The following ROBO1 variants were observed in gnomAD, a reference collection of about 807,000 sequenced individuals.
ROBO1 encodes the protein roundabout guidance receptor 1.
Under a neutral mutation model 195.9 loss-of-function variants are expected in ROBO1, and 149 were observed. That is an observed-to-expected ratio of 0.76 (90% CI 0.67 to 0.87). The LOEUF (loss-of-function observed/expected upper bound fraction) is 0.87, where lower values mean the gene tolerates loss of function less well. ROBO1 is among the 40% of genes least tolerant of loss of function. The pLI, the probability that ROBO1 is intolerant of heterozygous loss-of-function variation, is 0.00. For missense variants in ROBO1, 1,933 were observed against 2,068.3 expected (o/e 0.93, Z 1.27); for synonymous variants, 816 against 733.2 (o/e 1.11, Z -1.82).
rs1349853836 is a variant in ROBO1 at position 79,504,066 on chromosome 3, C to T, written c.88+85758G>A. On this transcript the variant is annotated intron_variant, in intron 2 of 30. Coordinates refer to ENST00000464233, the MANE Select transcript of ROBO1 (RefSeq NM_002941.4). ...CAATAGTACTCTAAAAATTCTCAATCTTGGCCATATTTTTAATATTAAAAA... is the reference window on the plus strand; with the variant it reads ...CAATAGTACTCTAAAAATTCTCAATTTTGGCCATATTTTTAATATTAAAAA... 5.3e-5 allele frequency among the ~76,000 whole-genome samples: 8 copies of T among 152,182 alleles called. No homozygotes were observed. The East Asian group carries it at 1.5e-3, about 29-fold the overall frequency.
intron 3 of ROBO1, among the ~76,000 whole-genome samples, chr3:78,965,142 C>T (rs1315546199): frequency 2.6e-5 from 4 of 151,844 alleles, no homozygotes; most frequent in African/African-American, 9.7e-5. Context: ...ATTTCAAGGA[C>T]TATATGTTTC....
intron 2 of ROBO1, among the ~76,000 whole-genome samples, chr3:79,407,140 C>A (rs2037580317): frequency 1.3e-5 from 2 of 152,074 alleles, no homozygotes. Context: ...GTTAGTCAGA[C>A]TGGTCTTGAA....
intron 2 of ROBO1, among the ~76,000 whole-genome samples, chr3:79,348,924 T>TTCCCC (rs1230939604): frequency 6.6e-6 from 1 of 152,092 alleles, no homozygotes; most frequent in Non-Finnish European, 1.5e-5. Flanking sequence ...ACGCGAAAGT[T>TTCCCC]TAACTAAAAA....
intron 1 of ROBO1, among the ~76,000 whole-genome samples, chr3:79,705,742 C>T (rs1947750374): frequency 6.6e-6 from 1 of 152,052 alleles, no homozygotes; most frequent in Admixed American, 6.6e-5. Context: ...TATGGGATTA[C>T]ACTGAATCTA....
intron 4 of ROBO1, among the ~76,000 whole-genome samples, chr3:78,801,902 A>C (rs1280691341): frequency 6.6e-6 from 1 of 152,078 alleles, no homozygotes; most frequent in African/African-American, 2.4e-5. Flanking sequence ...GATTTGTGAC[A>C]ATTTTGTAGG....
At chr3:79,494,678 A>G (rs1297758875) in intron 2 of ROBO1, among the ~76,000 whole-genome samples, 1 of 152,192 alleles carries the variant, frequency 6.6e-6, no homozygotes, top group Non-Finnish European at 1.5e-5. Flanking sequence ...TAGTAAAGAA[A>G]GCACTTTTGG....
intron 1 of ROBO1, among the ~76,000 whole-genome samples, chr3:79,697,004 G>A (rs1475421395): frequency 6.6e-6 from 1 of 151,404 alleles, no homozygotes; most frequent in Non-Finnish European, 1.5e-5. Flanking sequence ...GAGAACCAGG[G>A]TATCTAGTGA....
intron 2 of ROBO1, among the ~76,000 whole-genome samples, chr3:79,581,330 A>T (rs375461045): frequency 1.3e-5 from 2 of 152,200 alleles, no homozygotes; most frequent in South Asian, 4.1e-4. Flanking sequence ...CTGATGGCTT[A>T]ATTAGGTGGA....
intron 2 of ROBO1, among the ~76,000 whole-genome samples, chr3:79,472,669 C>G (rs947274381): frequency 3.3e-5 from 5 of 152,012 alleles, no homozygotes; most frequent in African/African-American, 1.2e-4. Flanking sequence ...ATTCGAAAAC[C>G]AATTTTATTT....
In ROBO1 at chr3:78,651,815, A is replaced by G. The variant is rs2107620155; in HGVS notation, c.2729T>C (p.Ile910Thr). Residue 910 changes from isoleucine to threonine, a missense_variant, in exon 19 of 31, where the codon ATC becomes ACC. Around this residue, in one of 3 missense-constraint regions of ROBO1, gnomAD observed 1,737 missense variants for 1,882.5 expected, o/e 0.92. Transcript: ENST00000464233. ...IAGIGAACWI[I>T]LMVFSIWLYR... Reference sequence around the variant, plus strand: ...AAGCCAGATGCTGAAGACCATGAGGATGATCCAACAGGCTGCTCCAATACC... The same window carrying G: ...AAGCCAGATGCTGAAGACCATGAGGGTGATCCAACAGGCTGCTCCAATACC... 1.2e-6 allele frequency: 2 copies of G among 1,613,730 alleles called. No individual in the cohort carries two copies. The highest frequency in any genetic ancestry group is 2.2e-5 in the East Asian group (1 of 44,856).
At chr3:79,341,197 T>C (rs1205918941) in intron 2 of ROBO1, among the ~76,000 whole-genome samples, 2 of 152,200 alleles carry the variant, frequency 1.3e-5, no homozygotes, top group African/African-American at 4.8e-5. Flanking sequence ...TAGCATGTCA[T>C]TCAAATGGAA....
chr3:79,056,524 T>C (rs973812392), intron 3 of ROBO1, among the ~76,000 whole-genome samples: 4 of 152,106 alleles, frequency 2.6e-5, no homozygotes, highest in African/African-American at 9.7e-5. Context: ...AAAGTTCACA[T>C]TCGGAGAGAT....
intron 2 of ROBO1, among the ~76,000 whole-genome samples, chr3:79,435,704 A>G (rs1321604834): frequency 6.6e-6 from 1 of 152,136 alleles, no homozygotes; most frequent in East Asian, 1.9e-4. Context: ...ATAGTTTAAG[A>G]CATCCATTAT....
chr3:78,744,911 G>A (rs561566176), intron 5 of ROBO1, among the ~76,000 whole-genome samples: 1 of 152,116 alleles, frequency 6.6e-6, no homozygotes, highest in Non-Finnish European at 1.5e-5. Context: ...TTAATTTACT[G>A]TATATTACAC....
Position 79,575,187 on chromosome 3 carries a change from T to TATATAAATATATATAAC in ROBO1, c.88+14636_88+14637insGTTATATATATTTATAT, listed in dbSNP as rs1560007255. Among the ~76,000 whole-genome samples the TATATAAATATATATAAC allele has an allele frequency of 2.7e-4, 30 of 113,206 alleles. 1 individual carries two copies. Among genetic ancestry groups the TATATAAATATATATAAC allele is most frequent in the African/African-American group, 9.9e-4 (27 of 27,282 alleles). 74.3% of individuals were successfully genotyped at this position (113,206 alleles called of 152,430 possible). ...CAAATATATATAAATATATATAACA[T>TATATAAATATATATAAC]ATATATAAATATATATATAACAGAT... On this transcript the variant is annotated intron_variant, in intron 2 of 30. Transcript: ENST00000464233.
chr3:78,950,607 A>G (rs2040725212), intron 3 of ROBO1, among the ~76,000 whole-genome samples: 1 of 151,794 alleles, frequency 6.6e-6, no homozygotes, highest in Admixed American at 6.6e-5. Flanking sequence ...GCACATGTAT[A>G]CATATGTAAC....
At chr3:78,731,252 G>C (rs1184294750) in intron 5 of ROBO1, among the ~76,000 whole-genome samples, 1 of 152,060 alleles carries the variant, frequency 6.6e-6, no homozygotes, top group Non-Finnish European at 1.5e-5. Flanking sequence ...AGGGATATGA[G>C]TGTTTTATAT....
At chr3:78,968,271 C>CTTTTTT (rs35361494) in intron 3 of ROBO1, among the ~76,000 whole-genome samples, 1 of 119,462 alleles carries the variant, frequency 8.4e-6, no homozygotes. Flanking sequence ...TGTATAGATT[C>CTTTTTT]TTTTTTTTTT....
chr3:78,787,576 G>T (rs538600523), intron 4 of ROBO1, among the ~76,000 whole-genome samples: 2 of 152,290 alleles, frequency 1.3e-5, no homozygotes, highest in East Asian at 3.9e-4. Flanking sequence ...AGTAAAACAA[G>T]CTATCACCTA....
Sources: allele counts gnomAD v4.1 joint callset (sites outside exome capture counted in the v4.1 genomes callset), GRCh38; gene constraint gnomAD v4.1.1; regional missense constraint gnomAD v4.1.1; transcripts MANE v1.5; gene names NCBI Gene and HGNC (gene_info 2026-07-23, HGNC 2026-07-21).